The following MED16 variants were observed in gnomAD, a reference collection of about 807,000 sequenced individuals.
MED16 encodes the protein mediator of RNA polymerase II transcription subunit 16.
Under a neutral mutation model 84.4 loss-of-function variants are expected in MED16, and 81 were observed. The ratio of observed to expected loss-of-function variants is 0.96; its 90% CI spans 0.80 to 1.15. The LOEUF (loss-of-function observed/expected upper bound fraction) is 1.15, where lower values mean the gene tolerates loss of function less well. MED16 is among the 50% of genes most tolerant of loss of function. MED16 has a pLI of 0.00. For synonymous variants in MED16, 897 were observed against 552.2 expected (o/e 1.62, Z -8.76); for missense variants, 1,585 against 1,245.9 (o/e 1.27, Z -4.10).
chr19:871,707 G>A (rs752149668), intron 12 of MED16: 31 of 1,406,320 alleles, frequency 2.2e-5, no homozygotes, highest in Non-Finnish European at 2.8e-5. Flanking sequence ...GCCACCTGCA[G>A]GGGCTTATGT....
intron 8 of MED16, among the ~76,000 whole-genome samples, chr19:879,499 C>T (rs1254690164): frequency 8.4e-6 from 1 of 119,526 alleles, no homozygotes; most frequent in Non-Finnish European, 1.7e-5. Flanking sequence ...GCCCCACGTG[C>T]CCCAGCAGCT....
intron 11 of MED16, chr19:872,891 T>C (rs1009520666): frequency 1.1e-6 from 1 of 938,332 alleles, no homozygotes; most frequent in Admixed American, 5.8e-5. Context: ...AGGAAGGGTG[T>C]GGCCAAGGAA....
At chr19:875,611 G>A (rs1009245047) in intron 9 of MED16, among the ~76,000 whole-genome samples, 157 bp from the exon 10 acceptor site, 1 of 152,240 alleles carries the variant, frequency 6.6e-6, no homozygotes, top group Admixed American at 6.5e-5. Flanking sequence ...TGGCAAAACA[G>A]GTGCGGAAGA....
chr19:870,507 G>A (rs371563432), intron 13 of MED16, among the ~76,000 whole-genome samples: 5 of 151,226 alleles, frequency 3.3e-5, no homozygotes, highest in Non-Finnish European at 5.9e-5. Context: ...GTTGCAGTGG[G>A]CCAAGACGGC....
intron 8 of MED16, among the ~76,000 whole-genome samples, chr19:878,304 C>T (rs1357802994): frequency 7.9e-4 from 81 of 102,772 alleles, no homozygotes; most frequent in Non-Finnish European, 1.1e-3. Context: ...TGCCCACCAG[C>T]CCCAGCCCCA....
At chr19:881,486 T>C in intron 7 of MED16, 73 bp downstream of exon 7, 1 of 1,523,924 alleles carries the variant, frequency 6.6e-7, no homozygotes, top group Non-Finnish European at 8.9e-7. Context: ...CACGACCCCG[T>C]GGCCTGTGCT....
intron 9 of MED16, 94 bp downstream of exon 9, chr19:876,880 C>CAG (rs2036247597): frequency 4.4e-6 from 5 of 1,133,996 alleles, no homozygotes; most frequent in African/African-American, 3.4e-5. Flanking sequence ...TGCCACGGGG[C>CAG]CCCCACCTGC....
intron 10 of MED16, among the ~76,000 whole-genome samples, chr19:874,810 C>T (rs769746698): frequency 4.6e-5 from 7 of 152,000 alleles, no homozygotes; most frequent in African/African-American, 1.4e-4. Flanking sequence ...GCAGAGGCTG[C>T]GCTGAGCTGG....
intron 15 of MED16, 46 bp downstream of exon 15, chr19:868,370 G>C: frequency 6.3e-7 from 1 of 1,575,114 alleles, no homozygotes; most frequent in South Asian, 1.1e-5. Context: ...GGGGCAGCTG[G>C]GCTCAGGGGT....
At chr19:891,343 G>C (rs1368873079) in intron 1 of MED16, among the ~76,000 whole-genome samples, 194 bp from the exon 2 acceptor site, 1 of 152,210 alleles carries the variant, frequency 6.6e-6, no homozygotes. Flanking sequence ...TCCTGGGCCT[G>C]TGGGCTTCTA....
intron 9 of MED16, 34 bp downstream of exon 9, chr19:876,940 C>T: frequency 6.3e-7 from 1 of 1,579,930 alleles, no homozygotes; most frequent in South Asian, 1.1e-5. Flanking sequence ...GGGCCCCCAC[C>T]TGCCACGGGG....
rs151170454 is a variant in MED16 at position 868,109 on chromosome 19, G to A, written c.2626C>T (p.Arg876Cys). ...RSLDHLHPED[R>C]P Reference sequence around the variant, plus strand: ...GCCTGGACCCCCGGCCGTCACGGACGGTCCTCTGGATGCAGATGGTCCAGG... The same window carrying A: ...GCCTGGACCCCCGGCCGTCACGGACAGTCCTCTGGATGCAGATGGTCCAGG... The change falls in exon 16 of 16, where the codon CGT becomes TGT. Residue 876 changes from arginine to cysteine, a missense_variant. By Grantham distance (180) the Arg-to-Cys change is radical (BLOSUM62 -3). Coordinates refer to ENST00000325464, the MANE Select transcript of MED16 (RefSeq NM_005481.3). The A allele has an allele frequency of 2.4e-4, 389 of 1,608,076 alleles. No individual in the cohort carries two copies. Among genetic ancestry groups the A allele is most frequent in the Non-Finnish European group, 2.9e-4 (346 of 1,178,586 alleles).
rs138736652 is a variant in MED16 at position 876,998 on chromosome 19, C to A, written c.1536G>T (p.Thr512=). ...CCTGCTGCAGGGCAGCGGTCTGGCG[C>A]GTGTACTCCTCGTGCAGCTTCTCCA... is the stretch of plus-strand genomic sequence containing the variant. The part of the protein sequence containing the change: ...SLVEKLHEEY[T]RQTAALQQVL... Residue 512 remains threonine (T), a synonymous_variant, in exon 9 of 16, where the codon ACG becomes ACT. Transcript: ENST00000325464. 1 of 1,609,298 alleles carries A rather than the reference C, an allele frequency of 6.2e-7. No homozygotes were observed. Among genetic ancestry groups the A allele is most frequent in the Non-Finnish European group, 8.5e-7 (1 of 1,179,110 alleles).
intron 13 of MED16, 65 bp from the exon 14 acceptor site, chr19:869,011 A>G: frequency 7.2e-7 from 1 of 1,396,514 alleles, no homozygotes; most frequent in Non-Finnish European, 9.6e-7. Context: ...CGGCAGGGGC[A>G]TCTGTCCACA....
rs1300418250 is a variant in MED16 at position 877,951 on chromosome 19, ACCAGCC to A, written c.1354-777_1354-772del. On this transcript the variant is annotated intron_variant, in intron 8 of 15. Coordinates refer to ENST00000325464, the MANE Select transcript of MED16 (RefSeq NM_005481.3). ...CACCTTCCCGTGGTTGTCAATGCCC[ACCAGCC>A]CCAGCCCCAGCCCCAGCCCCACGTG... is the stretch of plus-strand genomic sequence containing the variant. Among the ~76,000 whole-genome samples the A allele has an allele frequency of 1.8e-4, 12 of 67,214 alleles. 1 individual carries two copies. The highest frequency in any genetic ancestry group is 3.2e-4 in the African/African-American group (5 of 15,520). The allele number at this position is 67,214 out of a possible 152,430, so 44.1% of individuals were successfully genotyped here. A position where few individuals can be genotyped will look rare whatever the true frequency, so the allele number is the denominator to read the frequency against.
chr19:869,980 C>A (rs2036006826), intron 13 of MED16, among the ~76,000 whole-genome samples: 1 of 152,206 alleles, frequency 6.6e-6, no homozygotes, highest in South Asian at 2.1e-4. Context: ...CAAGGTCCCA[C>A]CTCACAGGGC....
At chr19:876,848 C>A (rs1371255932) in intron 9 of MED16, 126 bp downstream of exon 9, 3 of 909,130 alleles carry the variant, frequency 3.3e-6, no homozygotes, top group East Asian at 5.5e-5. Flanking sequence ...ACAGGGACAG[C>A]CCCACCTGGC....
In MED16 at chr19:870,039, G is replaced by A. The variant is rs73919872; in HGVS notation, c.2315+998C>T. Among the ~76,000 whole-genome samples the A allele has an allele frequency of 5.3e-3, 805 of 152,268 alleles. 9 individuals carry two copies. Among genetic ancestry groups the A allele is most frequent in the African/African-American group, 0.018 (763 of 41,556 alleles). On this transcript the variant is annotated intron_variant, in intron 13 of 15. Coordinates refer to ENST00000325464, the MANE Select transcript of MED16 (RefSeq NM_005481.3). Reference sequence around the variant, plus strand: ...AGCACACTTGGGTTGCCCAAACCCCGCACATTCCAGAGAAAGGCCAGCCCC... The same window carrying A: ...AGCACACTTGGGTTGCCCAAACCCCACACATTCCAGAGAAAGGCCAGCCCC...
chr19:868,290 C>T, intron 15 of MED16, 39 bp from the exon 16 acceptor site: 2 of 1,587,634 alleles, frequency 1.3e-6, no homozygotes, highest in Non-Finnish European at 1.7e-6. Context: ...CGAGGAGAGT[C>T]CAGGGCGAGC....
Sources: allele counts gnomAD v4.1 joint callset (sites outside exome capture counted in the v4.1 genomes callset), GRCh38; gene constraint gnomAD v4.1.1; transcripts MANE v1.5; gene names NCBI Gene and HGNC (gene_info 2026-07-23, HGNC 2026-07-21).